The following GABRB3 variants were observed in gnomAD, a reference collection of about 807,000 sequenced individuals.
GABRB3 encodes the protein gamma-aminobutyric acid receptor subunit beta-3.
Under a neutral mutation model 52.1 loss-of-function variants are expected in GABRB3, and 14 were observed. The ratio of observed to expected loss-of-function variants is 0.27; its 90% CI spans 0.18 to 0.42. The LOEUF is 0.42. Among genes scored for constraint, GABRB3 ranks in the 10% least tolerant of loss-of-function variants. The pLI is 1.00. For missense variants in GABRB3, 307 were observed against 609.1 expected (o/e 0.50, Z 5.22); for synonymous variants, 260 against 232.3 (o/e 1.12, Z -1.08).
At chr15:26,591,706 C>A (rs1891212823) in intron 4 of GABRB3, among the ~76,000 whole-genome samples, 1 of 152,196 alleles carries the variant, frequency 6.6e-6, no homozygotes. Context: ...CACTAAAGTA[C>A]TTTGAGTCAC....
At chr15:26,685,009 C>A (rs976787854) in intron 3 of GABRB3, among the ~76,000 whole-genome samples, 2 of 152,216 alleles carry the variant, frequency 1.3e-5, no homozygotes, top group African/African-American at 4.8e-5. Context: ...TGGTAAAAAA[C>A]ACAGTAACTA....
intron 3 of GABRB3, among the ~76,000 whole-genome samples, chr15:26,692,078 G>GAA (rs1290604660): frequency 6.6e-6 from 1 of 152,098 alleles, no homozygotes; most frequent in Non-Finnish European, 1.5e-5. Flanking sequence ...ATAAAAATTA[G>GAA]AATTGAAAAT....
chr15:26,636,836 A>G (rs142175392), intron 3 of GABRB3, among the ~76,000 whole-genome samples: 69 of 152,264 alleles, frequency 4.5e-4, no homozygotes, highest in African/African-American at 1.6e-3. Context: ...TCTGTCTGAA[A>G]TTCTATTGAC....
intron 8 of GABRB3, among the ~76,000 whole-genome samples, chr15:26,554,189 T>TAAAGTATATATATATAA (rs1346521870): frequency 3.7e-5 from 1 of 27,362 alleles, no homozygotes; most frequent in African/African-American, 1.7e-4. Context: ...TATATATATA[T>TAAAGTATATATATATAA]ACTATATATA....
In GABRB3 at chr15:26,570,747, C is replaced by T. The variant is rs566866720; in HGVS notation, c.683-3014G>A. On this transcript the variant is annotated intron_variant, in intron 6 of 8. Coordinates refer to ENST00000311550, the MANE Select transcript of GABRB3 (RefSeq NM_000814.6). ...TACCTCAAGGTCTTGGTCAAAGCCC[C>T]ATCTTCCATGAATCCTTTCTTTTTC... 5.9e-5 allele frequency among the ~76,000 whole-genome samples: 9 copies of T among 152,262 alleles called. No homozygotes were observed. The South Asian group carries it at 1.9e-3, about 32-fold the overall frequency.
chr15:26,681,074 A>T (rs761279369), intron 3 of GABRB3, among the ~76,000 whole-genome samples: 1 of 152,154 alleles, frequency 6.6e-6, no homozygotes, highest in Non-Finnish European at 1.5e-5. Context: ...CTTCCTTTTA[A>T]AAATCGTATT....
At chr15:26,563,694 G>A (rs934687153) in intron 7 of GABRB3, among the ~76,000 whole-genome samples, 5 of 152,034 alleles carry the variant, frequency 3.3e-5, no homozygotes, top group Admixed American at 1.3e-4. Flanking sequence ...ATCATTCTTC[G>A]GTAGCCTCTA....
chr15:26,600,579 T>C (rs1214256224), intron 4 of GABRB3, among the ~76,000 whole-genome samples: 2 of 152,144 alleles, frequency 1.3e-5, no homozygotes, highest in Non-Finnish European at 2.9e-5. Context: ...GTATGATATA[T>C]TCAAAATGAT....
At chr15:26,773,716 G>A (rs1359776259), upstream of GABRB3, 3 of 1,567,630 alleles carry the variant, frequency 1.9e-6, no homozygotes, top group African/African-American at 1.4e-5. Flanking sequence ...CCAGGAGCCC[G>A]GAGCACATGG....
chr15:26,634,714 T>C (rs567937501), intron 3 of GABRB3, among the ~76,000 whole-genome samples: 2 of 151,892 alleles, frequency 1.3e-5, no homozygotes, highest in Admixed American at 6.6e-5. Context: ...CTCAACACAA[T>C]ATAATATGAA....
intron 4 of GABRB3, among the ~76,000 whole-genome samples, chr15:26,592,097 T>C (rs553374489): frequency 7.1e-4 from 108 of 152,128 alleles, no homozygotes; most frequent in Non-Finnish European, 1.4e-3. Flanking sequence ...CCCAGAGGCT[T>C]GAACGTAAGC....
At chr15:26,690,271 G>T (rs1414002700) in intron 3 of GABRB3, among the ~76,000 whole-genome samples, 6 of 151,832 alleles carry the variant, frequency 4.0e-5, no homozygotes, top group African/African-American at 1.2e-4. Flanking sequence ...TAGTGACAGG[G>T]TCTCACTATG....
At chr15:26,650,994 C>T (rs1721540999) in intron 3 of GABRB3, among the ~76,000 whole-genome samples, 2 of 152,180 alleles carry the variant, frequency 1.3e-5, no homozygotes, top group Admixed American at 1.3e-4. Context: ...GTCTGTGCGA[C>T]CAACCCAACC....
intron 8 of GABRB3, 98 bp from the exon 9 acceptor site, chr15:26,548,232 G>T: frequency 1.0e-6 from 1 of 958,692 alleles, no homozygotes; most frequent in Non-Finnish European, 1.7e-6. Flanking sequence ...CATGTTGCAT[G>T]TTTTACGAGA....
At position 26,621,446 on chromosome 15, in the gene GABRB3, T is replaced by C. The variant is rs751329477; in HGVS notation, c.329A>G (p.Asn110Ser). The change falls in exon 4 of 9, where the codon AAT (asparagine) becomes AGT (serine). Residue 110 changes from asparagine (N) to serine (S), a missense_variant. By Grantham distance (46) the Asn-to-Ser change is conservative. This residue lies in a region of GABRB3 where 31 missense variants were observed against 71.2 expected (regional missense o/e 0.44). Coordinates refer to ENST00000311550, the MANE Select transcript of GABRB3 (RefSeq NM_000814.6). The surrounding 1 kb of genome is among the most constrained non-coding windows in gnomAD (Gnocchi z 4.1). ...SGIPLNLTLD[N>S]RVADQLWVPD... ...CACCCATAGCTGGTCAGCCACTCGA[T>C]TGTCAAGCGTGAGGTTGAGAGGGAT... 12 of 1,614,034 alleles carry C rather than the reference T, an allele frequency of 7.4e-6. No homozygotes were observed. The highest frequency in any genetic ancestry group is 1.0e-5 in the Non-Finnish European group (12 of 1,180,032).
chr15:26,552,629 C>G (rs115136624), intron 8 of GABRB3, among the ~76,000 whole-genome samples: 227 of 152,282 alleles, frequency 1.5e-3, no homozygotes, highest in African/African-American at 4.8e-3. Context: ...TGAACCTGCC[C>G]TGGATGCTGC....
chr15:26,677,465 T>C (rs1232877966), intron 3 of GABRB3, among the ~76,000 whole-genome samples: 4 of 152,282 alleles, frequency 2.6e-5, no homozygotes, highest in Middle Eastern at 3.4e-3. Flanking sequence ...CCAAGGGCTC[T>C]GGCCTCCTCT....
At chr15:26,674,800 C>G (rs1298042930) in intron 3 of GABRB3, among the ~76,000 whole-genome samples, 1 of 152,128 alleles carries the variant, frequency 6.6e-6, no homozygotes, top group Non-Finnish European at 1.5e-5. Flanking sequence ...AGGATTTCAA[C>G]AGAAATCCTT....
intron 6 of GABRB3, among the ~76,000 whole-genome samples, chr15:26,571,435 G>C (rs1366845758): frequency 2.0e-5 from 3 of 152,156 alleles, no homozygotes; most frequent in African/African-American, 7.2e-5. Context: ...TTTTATGTCA[G>C]GAGAACGGGA....
Sources: gnomAD v4.1 joint callset for allele counts (sites outside exome capture counted in the v4.1 genomes callset) on GRCh38, gnomAD v4.1.1 for gene constraint, gnomAD v4.1.1 regional missense constraint, Gnocchi (gnomAD v3.1) non-coding constraint, MANE v1.5 for transcripts, NCBI Gene and HGNC (gene_info 2026-07-23, HGNC 2026-07-21) for gene names.